SCG5: variants seen among roughly 807,000 people sequenced by gnomAD.
The protein encoded by SCG5 is neuroendocrine protein 7B2.
Under a neutral mutation model 25.7 loss-of-function variants are expected in SCG5, and 18 were observed. That is an observed-to-expected ratio of 0.70 (90% CI 0.48 to 1.04). The LOEUF (loss-of-function observed/expected upper bound fraction) is 1.04, where lower values mean the gene tolerates loss of function less well. SCG5 is among the 50% of genes least tolerant of loss of function. The pLI is 0.00. For synonymous variants in SCG5, 101 were observed against 91.7 expected (o/e 1.10, Z -0.58); for missense variants, 206 against 259.8 (o/e 0.79, Z 1.42).
At chr15:32,647,380 G>A (rs2140499325) in intron 2 of SCG5, among the ~76,000 whole-genome samples, 1 of 152,160 alleles carries the variant, frequency 6.6e-6, no homozygotes, top group Non-Finnish European at 1.5e-5. Context: ...TTAATTGTAT[G>A]ATCAATGGAT....
At chr15:32,674,666 A>G (rs187269681) in intron 2 of SCG5, among the ~76,000 whole-genome samples, 13 of 152,274 alleles carry the variant, frequency 8.5e-5, no homozygotes, top group Admixed American at 6.5e-4. Flanking sequence ...GGCTTTGTTA[A>G]CACCGAACAA....
At chr15:32,667,799 A>G (rs1040254695) in intron 2 of SCG5, among the ~76,000 whole-genome samples, 3 of 151,160 alleles carry the variant, frequency 2.0e-5, no homozygotes, top group African/African-American at 7.3e-5. Flanking sequence ...CAGCCTTTCG[A>G]GTAACTGGGA....
chr15:32,647,589 A>G (rs2053963688), intron 2 of SCG5, among the ~76,000 whole-genome samples: 1 of 152,068 alleles, frequency 6.6e-6, no homozygotes, highest in Non-Finnish European at 1.5e-5. Flanking sequence ...AACCTTTCAC[A>G]GCTGCCTTTC....
intron 4 of SCG5, among the ~76,000 whole-genome samples, chr15:32,688,734 G>A (rs1403865056): frequency 3.9e-5 from 6 of 152,032 alleles, no homozygotes; most frequent in African/African-American, 1.2e-4. Flanking sequence ...CGAGGCAGGC[G>A]GATCATGAGG....
intron 4 of SCG5, among the ~76,000 whole-genome samples, chr15:32,688,962 A>AAAAAAAG (rs2054785281): frequency 1.8e-5 from 2 of 109,362 alleles, no homozygotes. Context: ...CCGTCTCAAA[A>AAAAAAAG]AAAAAAAAAA....
rs776472142 is a variant in SCG5, at chr15:32,679,870, CA to C, written c.332del (p.Gln111ArgfsTer21). ...CATTCCTAAGGACTTTAGTGAGGAT[CA>C]GGGGTACCCAGACCCTCCAAATCCC... ...DNIPKDFSEDQGYPDPPNPCP... is the reference protein window; with the variant it reads ...DNIPKDFSEDXGYPDPPNPCP... On this transcript the variant is annotated frameshift_variant, in exon 3 of 6. Coordinates refer to ENST00000300175, the MANE Select transcript of SCG5 (RefSeq NM_001144757.3). LOFTEE classifies it high-confidence loss of function. 2.5e-6 allele frequency: 4 copies of C among 1,613,908 alleles called. No individual in the cohort carries two copies. In the South Asian group the frequency reaches 3.3e-5, roughly 13 times the overall value.
chr15:32,687,690 T>C (rs1207497106), intron 4 of SCG5, among the ~76,000 whole-genome samples: 1 of 152,198 alleles, frequency 6.6e-6, no homozygotes, highest in East Asian at 1.9e-4. Context: ...TAATAACGCT[T>C]CCTTGTTTTT....
intron 2 of SCG5, among the ~76,000 whole-genome samples, chr15:32,678,950 C>T (rs1350833285): frequency 1.3e-5 from 2 of 152,188 alleles, no homozygotes; most frequent in East Asian, 3.9e-4. Flanking sequence ...GGAGTCAATA[C>T]ACCAAATTTT....
At chr15:32,648,667 A>G (rs2053984967) in intron 2 of SCG5, among the ~76,000 whole-genome samples, 1 of 151,096 alleles carries the variant, frequency 6.6e-6, no homozygotes, top group Admixed American at 6.6e-5. Flanking sequence ...GAGGCTATCA[A>G]CCTCCCATTC....
intron 2 of SCG5, among the ~76,000 whole-genome samples, chr15:32,648,605 C>T (rs1488123745): frequency 2.0e-5 from 3 of 151,950 alleles, no homozygotes; most frequent in South Asian, 2.1e-4. Flanking sequence ...TGAGTCACAC[C>T]GGCCTCTTCC....
intron 2 of SCG5, among the ~76,000 whole-genome samples, chr15:32,676,516 T>C (rs920530190): frequency 1.3e-5 from 2 of 152,180 alleles, no homozygotes; most frequent in African/African-American, 4.8e-5. Flanking sequence ...GCAAGCACAG[T>C]GGTGTCTATA....
chr15:32,666,131 T>C (rs1397311999), intron 2 of SCG5, among the ~76,000 whole-genome samples: 1 of 152,184 alleles, frequency 6.6e-6, no homozygotes, highest in Admixed American at 6.5e-5. Flanking sequence ...GAATGTTTCT[T>C]CTTATCAACA....
intron 2 of SCG5, chr15:32,656,408 A>G (rs2054118271): frequency 6.6e-6 from 1 of 152,216 alleles, no homozygotes; most frequent in Non-Finnish European, 1.5e-5. Flanking sequence ...ACTAAATTTT[A>G]TATATTTTAT....
At chr15:32,654,300 A>G (rs999016111) in intron 2 of SCG5, among the ~76,000 whole-genome samples, 2 of 152,242 alleles carry the variant, frequency 1.3e-5, no homozygotes, top group South Asian at 2.1e-4. Context: ...TTCCTGATTC[A>G]TAGGTGGCTG....
intron 2 of SCG5, among the ~76,000 whole-genome samples, chr15:32,648,287 C>A (rs189074858): frequency 4.5e-4 from 68 of 152,294 alleles, no homozygotes; most frequent in Admixed American, 4.2e-3. Flanking sequence ...TCTAGCTCTA[C>A]TCCAAACACC....
At position 32,691,728 on chromosome 15, in the gene SCG5, GAGA is replaced by G. The variant is rs2054862033; in HGVS notation, c.512_514del (p.Lys171del). 3 of 1,610,434 alleles carry G rather than the reference GAGA, an allele frequency of 1.9e-6. No individual in the cohort carries two copies. The highest frequency in any genetic ancestry group is 2.5e-6 in the Non-Finnish European group (3 of 1,178,718). On this transcript the variant is annotated inframe_deletion, in exon 5 of 6. Coordinates refer to ENST00000300175, the MANE Select transcript of SCG5 (RefSeq NM_001144757.3). Reference sequence around the variant, plus strand: ...ATTCTAGAACAAGAAACTCCTTTACGAGAAGATGAAGGGAGGAGAGAGACGAAA... The same window carrying G: ...ATTCTAGAACAAGAAACTCCTTTACGAGATGAAGGGAGGAGAGAGACGAAA...
chr15:32,692,254 T>C (rs765804137), intron 5 of SCG5: 16 of 988,238 alleles, frequency 1.6e-5, no homozygotes, highest in Non-Finnish European at 1.9e-5. Flanking sequence ...CTCCTATGTA[T>C]CTTTTTTTCT....
intron 2 of SCG5, among the ~76,000 whole-genome samples, chr15:32,678,318 C>T (rs1408705089): frequency 6.6e-6 from 1 of 152,086 alleles, no homozygotes; most frequent in Non-Finnish European, 1.5e-5. Context: ...AGCCAAAGGC[C>T]TTGCATCTTT....
intron 2 of SCG5, among the ~76,000 whole-genome samples, chr15:32,678,477 A>C (rs1236420448): frequency 6.6e-6 from 1 of 152,236 alleles, no homozygotes; most frequent in African/African-American, 2.4e-5. Context: ...AAAATAAAAC[A>C]GTAATTTTAA....
Sources: allele counts gnomAD v4.1 joint callset (sites outside exome capture counted in the v4.1 genomes callset), GRCh38; gene constraint gnomAD v4.1.1; transcripts MANE v1.5; gene names NCBI Gene and HGNC (gene_info 2026-07-23, HGNC 2026-07-21).